The following ERC1 variants were observed in gnomAD, a reference collection of about 807,000 sequenced individuals.
The protein encoded by ERC1 is ELKS/RAB6-interacting/CAST family member 1, also known as RAB6 interacting protein 2.
ERC1 carries 56 observed loss-of-function variants against 132.0 expected under a neutral mutation model. That is an observed-to-expected ratio of 0.42 (90% CI 0.34 to 0.53). The LOEUF (loss-of-function observed/expected upper bound fraction) is 0.53, where lower values mean the gene tolerates loss of function less well. Among genes scored for constraint, ERC1 ranks in the 20% least tolerant of loss-of-function variants. ERC1 has a pLI of 0.03. For missense variants in ERC1, 1,202 were observed against 1,349.9 expected (o/e 0.89, Z 1.72); for synonymous variants, 478 against 476.1 (o/e 1.00, Z -0.05).
chr12:1,209,961 G>A (rs1389595913), intron 12 of ERC1, among the ~76,000 whole-genome samples: 1 of 152,208 alleles, frequency 6.6e-6, no homozygotes, highest in Non-Finnish European at 1.5e-5. Flanking sequence ...AAGGACGTCT[G>A]AGGTTTTCTA....
intron 15 of ERC1, among the ~76,000 whole-genome samples, chr12:1,340,013 T>C (rs1566627262): frequency 6.6e-6 from 1 of 152,136 alleles, no homozygotes; most frequent in Non-Finnish European, 1.5e-5. Flanking sequence ...GGAGGCTTGC[T>C]GTAGGCCTGG....
chr12:1,247,750 A>T (rs1456148623), intron 13 of ERC1, among the ~76,000 whole-genome samples: 1 of 152,216 alleles, frequency 6.6e-6, no homozygotes, highest in African/African-American at 2.4e-5. Context: ...TAATCCCAGT[A>T]CTTTGGGAGG....
intron 16 of ERC1, among the ~76,000 whole-genome samples, chr12:1,392,927 A>G (rs539280790): frequency 9.3e-4 from 142 of 152,356 alleles, no homozygotes; most frequent in African/African-American, 3.2e-3. Flanking sequence ...AATTTTAACA[A>G]TGTAACCACG....
intron 1 of ERC1, among the ~76,000 whole-genome samples, chr12:993,476 A>G (rs1410945684): frequency 6.6e-6 from 1 of 152,228 alleles, no homozygotes; most frequent in Non-Finnish European, 1.5e-5. Context: ...TTTATTTTTC[A>G]AAAAATGTTG....
intron 1 of ERC1, among the ~76,000 whole-genome samples, chr12:1,019,927 AT>A (rs1359325707): frequency 6.6e-6 from 1 of 150,676 alleles, no homozygotes; most frequent in Non-Finnish European, 1.5e-5. Context: ...TTATTTTTAA[AT>A]TTTTTTTGCA....
rs140303869 is a variant in ERC1, at chr12:1,384,444, A to G, written c.2925+12467A>G. ...TTGGAAATAATTTTGTTATTAAAATACTATTACTGTCATGTATACATAGAC... is the reference window on the plus strand; with the variant it reads ...TTGGAAATAATTTTGTTATTAAAATGCTATTACTGTCATGTATACATAGAC... On this transcript the variant is annotated intron_variant, in intron 16 of 18. Coordinates refer to ENST00000360905, the MANE Select transcript of ERC1 (RefSeq NM_178040.4). Among the ~76,000 whole-genome samples, 15 of 152,376 alleles carry G rather than the reference A, an allele frequency of 9.8e-5. No homozygotes were observed. In the East Asian group the frequency reaches 2.9e-3, roughly 29 times the overall value.
rs959728879 is a variant in ERC1, at chr12:1,362,429, GCTCTGTCTCTCTCT to G, written c.2781-9385_2781-9372del. On this transcript the variant is annotated intron_variant, in intron 15 of 18. Transcript: ENST00000360905. Reference sequence around the variant, plus strand: ...TCGATAAGAACCGTTGATCTTCAGAGCTCTGTCTCTCTCTCTCTGTCTCTCTCTCTCTCTCTCTC... The same window carrying G: ...TCGATAAGAACCGTTGATCTTCAGAGCTCTGTCTCTCTCTCTCTCTCTCTC... Among the ~76,000 whole-genome samples the G allele has an allele frequency of 2.0e-4, 31 of 151,372 alleles. 1 individual carries two copies. The highest frequency in any genetic ancestry group is 7.4e-4 in the African/African-American group (30 of 40,780).
At chr12:1,335,846 A>G (rs1054758191) in intron 15 of ERC1, among the ~76,000 whole-genome samples, 1 of 151,950 alleles carries the variant, frequency 6.6e-6, no homozygotes, top group Non-Finnish European at 1.5e-5. Flanking sequence ...CTGTGACTCT[A>G]TCTGGTACTG....
chr12:1,484,123 G>A (rs574343322), intron 18 of ERC1, among the ~76,000 whole-genome samples: 77 of 151,714 alleles, frequency 5.1e-4, no homozygotes, highest in Middle Eastern at 3.4e-3. Flanking sequence ...GGCTAACATG[G>A]TGAAACCCCA....
chr12:1,278,931 C>A (rs961466905), intron 14 of ERC1, among the ~76,000 whole-genome samples: 1 of 151,830 alleles, frequency 6.6e-6, no homozygotes, highest in African/African-American at 2.4e-5. Context: ...AAAAAGAAAG[C>A]AGAAAACTTT....
At chr12:1,299,189 A>T (rs1158030268) in intron 15 of ERC1, among the ~76,000 whole-genome samples, 1 of 152,208 alleles carries the variant, frequency 6.6e-6, no homozygotes, top group Non-Finnish European at 1.5e-5. Flanking sequence ...TTTAACATTT[A>T]TAGAATACTA....
intron 2 of ERC1, among the ~76,000 whole-genome samples, chr12:1,058,793 T>TTTTG (rs1555220554): frequency 2.0e-5 from 3 of 149,850 alleles, no homozygotes; most frequent in African/African-American, 7.4e-5. Flanking sequence ...AAGTATGTTT[T>TTTTG]TTTTTTTTTT....
At chr12:1,011,673 C>CCT (rs1242186222) in intron 1 of ERC1, among the ~76,000 whole-genome samples, 5 of 152,128 alleles carry the variant, frequency 3.3e-5, no homozygotes, top group Admixed American at 3.3e-4. Flanking sequence ...GTGGCTCATG[C>CCT]CTGTAATCCT....
chr12:1,133,081 C>T (rs1309614396), intron 7 of ERC1, among the ~76,000 whole-genome samples: 1 of 151,924 alleles, frequency 6.6e-6, no homozygotes, highest in African/African-American at 2.4e-5. Flanking sequence ...TGGTCTTGAA[C>T]TCCTCACCTC....
At chr12:1,091,296 C>G (rs536560125) in intron 3 of ERC1, among the ~76,000 whole-genome samples, 6 of 152,214 alleles carry the variant, frequency 3.9e-5, no homozygotes, top group African/African-American at 1.4e-4. Flanking sequence ...GGGTGGAGTG[C>G]TAATTAAGTT....
intron 8 of ERC1, among the ~76,000 whole-genome samples, chr12:1,142,500 T>C (rs1949947311): frequency 6.6e-6 from 1 of 152,226 alleles, no homozygotes; most frequent in African/African-American, 2.4e-5. Flanking sequence ...ATAAAGTCCT[T>C]AAAGTTGAAC....
At chr12:1,475,919 C>A (rs1453219965) in intron 18 of ERC1, among the ~76,000 whole-genome samples, 2 of 151,030 alleles carry the variant, frequency 1.3e-5, no homozygotes, top group African/African-American at 4.9e-5. Context: ...TTGCTTAAGG[C>A]CAGGAGTTGA....
intron 14 of ERC1, among the ~76,000 whole-genome samples, chr12:1,277,806 A>G (rs1170829473): frequency 1.3e-5 from 2 of 152,224 alleles, no homozygotes. Context: ...TTTAAAATGT[A>G]AGATGTTATT....
chr12:1,264,780 A>G (rs958192435), intron 14 of ERC1, among the ~76,000 whole-genome samples: 5 of 152,218 alleles, frequency 3.3e-5, no homozygotes, highest in Non-Finnish European at 7.3e-5. Context: ...TAAACAGGAA[A>G]AAAATACTCA....
Sources: gnomAD v4.1 joint callset for allele counts (sites outside exome capture counted in the v4.1 genomes callset) on GRCh38, gnomAD v4.1.1 for gene constraint, MANE v1.5 for transcripts, NCBI Gene and HGNC (gene_info 2026-07-23, HGNC 2026-07-21) for gene names.